Variants in ANGPT1 observed in about 807,000 individuals in gnomAD.
The protein encoded by ANGPT1 is angiopoietin 1.
ANGPT1 carries 17 observed loss-of-function variants against 62.2 expected under a neutral mutation model. That is an observed-to-expected ratio of 0.27 (90% CI 0.19 to 0.41). ANGPT1 has a LOEUF of 0.41. Among genes scored for constraint, ANGPT1 ranks in the 10% least tolerant of loss-of-function variants. The pLI, the probability that ANGPT1 is intolerant of heterozygous loss-of-function variation, is 1.00. For missense variants in ANGPT1, 478 were observed against 594.9 expected (o/e 0.80, Z 2.04); for synonymous variants, 199 against 198.9 (o/e 1.00, Z 0.00).
chr8:107,397,909 A>G (rs1390297579), intron 1 of ANGPT1, among the ~76,000 whole-genome samples: 1 of 152,154 alleles, frequency 6.6e-6, no homozygotes, highest in African/African-American at 2.4e-5. Context: ...ACTTGTTCAT[A>G]CACGGAAGGA....
intron 2 of ANGPT1, among the ~76,000 whole-genome samples, chr8:107,338,501 T>A (rs1815623255): frequency 6.6e-6 from 1 of 152,214 alleles, no homozygotes; most frequent in South Asian, 2.1e-4. Flanking sequence ...ATGGAGCATT[T>A]ATACTCTAAA....
intron 8 of ANGPT1, among the ~76,000 whole-genome samples, chr8:107,252,632 A>G (rs1813272285): frequency 6.6e-6 from 1 of 152,200 alleles, no homozygotes; most frequent in African/African-American, 2.4e-5. Context: ...AGTGTTCAGC[A>G]ATAGTAGCCA....
intron 1 of ANGPT1, among the ~76,000 whole-genome samples, chr8:107,370,304 A>G (rs531708878): frequency 7.6e-6 from 1 of 130,928 alleles, no homozygotes; most frequent in African/African-American, 2.8e-5. Flanking sequence ...AAGAAGAAAG[A>G]AAGAAGGAAG....
rs536661715 is a variant in ANGPT1 at position 107,298,402 on chromosome 8, C to T, written c.937-4365G>A. Among the ~76,000 whole-genome samples, 4 of 151,830 alleles carry T rather than the reference C, an allele frequency of 2.6e-5. No homozygotes were observed. In the South Asian group the frequency reaches 8.3e-4, roughly 32 times the overall value. ...GGTTTGTTTTTTGGATGAAACTAGG[C>T]ATTTGGTTTTGGAAACATAAAATGA... On this transcript the variant is annotated intron_variant, in intron 5 of 8. Coordinates refer to ENST00000517746, the MANE Select transcript of ANGPT1 (RefSeq NM_001146.5).
intron 1 of ANGPT1, among the ~76,000 whole-genome samples, chr8:107,450,626 T>G (rs1811745685): frequency 6.6e-6 from 1 of 151,638 alleles, no homozygotes; most frequent in Non-Finnish European, 1.5e-5. Context: ...AATATTATTT[T>G]AAGAAAAAAG....
At chr8:107,281,663 A>G (rs1814007553) in intron 7 of ANGPT1, among the ~76,000 whole-genome samples, 1 of 152,144 alleles carries the variant, frequency 6.6e-6, no homozygotes, top group East Asian at 1.9e-4. Context: ...CTGTAGTCCC[A>G]GCTACTAGAG....
intron 5 of ANGPT1, chr8:107,294,315 T>A: frequency 4.4e-6 from 1 of 227,898 alleles, no homozygotes; most frequent in Non-Finnish European, 8.4e-6. Context: ...ATACAACATT[T>A]TAAAAAATCT....
Position 107,336,147 on chromosome 8 carries a change from C to G in ANGPT1, c.575+3G>C. The G allele has an allele frequency of 6.2e-7, 1 of 1,600,068 alleles. No homozygotes were observed. On this transcript the variant is annotated splice_donor_region_variant and intron_variant, in intron 3 of 8. Transcript: ENST00000517746. ...AACATTTTTGGAATAAAGCAATCCT[C>G]ACCTGTTTTTTTCATGGATCTTCAA...
intron 3 of ANGPT1, among the ~76,000 whole-genome samples, chr8:107,332,438 G>T (rs1422873064): frequency 2.6e-5 from 4 of 152,162 alleles, no homozygotes; most frequent in Non-Finnish European, 2.9e-5. Flanking sequence ...TGGACTGTTA[G>T]GAAAACAAAC....
At chr8:107,436,329 A>G (rs537924355) in intron 1 of ANGPT1, among the ~76,000 whole-genome samples, 1 of 152,344 alleles carries the variant, frequency 6.6e-6, no homozygotes, top group East Asian at 1.9e-4. Flanking sequence ...GCTAGACTAT[A>G]CACTCTTCAA....
intron 7 of ANGPT1, among the ~76,000 whole-genome samples, chr8:107,282,322 A>G (rs1447162145): frequency 6.6e-6 from 1 of 151,576 alleles, no homozygotes; most frequent in Non-Finnish European, 1.5e-5. Flanking sequence ...TGTCAGCAGC[A>G]TGACAGAACA....
At chr8:107,297,447 GAC>G (rs1814442095) in intron 5 of ANGPT1, among the ~76,000 whole-genome samples, 1 of 151,746 alleles carries the variant, frequency 6.6e-6, no homozygotes, top group African/African-American at 2.4e-5. Flanking sequence ...AATAGGCATT[GAC>G]ACTACTCCCA....
chr8:107,269,558 T>A (rs1406714364), intron 7 of ANGPT1, among the ~76,000 whole-genome samples: 1 of 152,016 alleles, frequency 6.6e-6, no homozygotes, highest in Non-Finnish European at 1.5e-5. Flanking sequence ...TTAGAATACA[T>A]CTCCCAAAAT....
intron 1 of ANGPT1, among the ~76,000 whole-genome samples, chr8:107,351,412 C>T (rs963208622): frequency 6.6e-6 from 1 of 151,990 alleles, no homozygotes. Flanking sequence ...AGCCAGACAT[C>T]AAAGAAAAAT....
intron 7 of ANGPT1, among the ~76,000 whole-genome samples, chr8:107,278,996 A>T (rs886548418): frequency 6.6e-6 from 1 of 152,188 alleles, no homozygotes; most frequent in African/African-American, 2.4e-5. Context: ...CAACCATGCC[A>T]GTTTCCCAGG....
intron 1 of ANGPT1, among the ~76,000 whole-genome samples, chr8:107,371,350 T>C (rs1389753338): frequency 6.6e-6 from 1 of 152,200 alleles, no homozygotes; most frequent in Non-Finnish European, 1.5e-5. Context: ...TCTGTGAATT[T>C]GTCAGCATCT....
intron 1 of ANGPT1, among the ~76,000 whole-genome samples, chr8:107,463,151 C>G (rs1586343664): frequency 6.6e-6 from 1 of 152,240 alleles, no homozygotes; most frequent in East Asian, 1.9e-4. Context: ...GCCTTTTCAG[C>G]ATGCATGCTT....
In ANGPT1 at chr8:107,294,056, A is replaced by G; in HGVS notation, c.937-19T>C. On this transcript the variant is annotated intron_variant, in intron 5 of 8. Coordinates refer to ENST00000517746, the MANE Select transcript of ANGPT1 (RefSeq NM_001146.5). ...AAAACACCTGACAAATGGAAAACAA[A>G]GTCAAGTAAAAAATACTTCTACTTT... The G allele has an allele frequency of 6.3e-7, 1 of 1,585,478 alleles. No individual in the cohort carries two copies. Among genetic ancestry groups the G allele is most frequent in the African/African-American group, 1.3e-5 (1 of 74,110 alleles).
chr8:107,257,809 C>A (rs2507802), intron 8 of ANGPT1, among the ~76,000 whole-genome samples: 127,690 of 150,072 alleles, frequency 0.85, 54,364 homozygotes, highest in Middle Eastern at 0.88. Context: ...AGGCAAAGAA[C>A]CTTGCTAGAA....
Sources: gnomAD v4.1 joint callset for allele counts (sites outside exome capture counted in the v4.1 genomes callset) on GRCh38, gnomAD v4.1.1 for gene constraint, MANE v1.5 for transcripts, NCBI Gene and HGNC (gene_info 2026-07-23, HGNC 2026-07-21) for gene names.